ITPKB: variants seen among roughly 807,000 people sequenced by gnomAD.
ITPKB encodes IP3 3-kinase B.
Under a neutral mutation model 69.4 loss-of-function variants are expected in ITPKB, and 13 were observed. The ratio of observed to expected loss-of-function variants is 0.19; its 90% CI spans 0.12 to 0.30. The LOEUF is 0.30. Ranked by LOEUF, ITPKB falls within the 10% of genes least tolerant of loss-of-function variation. The pLI is 1.00. For missense variants in ITPKB, 1,240 were observed against 1,250.5 expected, an observed-to-expected ratio of 0.99 and a Z score of 0.13; for synonymous variants, 584 against 513.7, an observed-to-expected ratio of 1.14 and a Z score of -1.85.
intron 2 of ITPKB, among the ~76,000 whole-genome samples, chr1:226,728,837 A>G (rs1417880007): frequency 6.6e-6 from 1 of 152,186 alleles, no homozygotes; most frequent in East Asian, 1.9e-4. Flanking sequence ...CAAGTCTCCT[A>G]AACCCAAGCC....
chr1:226,738,115 T>C lies in ITPKB; in HGVS notation c.-205-452A>G, dbSNP rs2102656645. On this transcript the variant is annotated intron_variant, in intron 1 of 7. Transcript: ENST00000429204. The surrounding 1 kb of genome is among the most constrained non-coding windows in gnomAD (Gnocchi z 4.2). ...AACCCGGCAGCCCTCGCCCTGGGCT[T>C]CAGGGTCTCCCTGCTCCACCCTCTC... is the stretch of plus-strand genomic sequence containing the variant. 6.6e-6 allele frequency among the ~76,000 whole-genome samples: 1 copy of C among 152,154 alleles called. No individual in the cohort carries two copies. The highest frequency in any genetic ancestry group is 1.9e-4 in the East Asian group (1 of 5,140).
intron 2 of ITPKB, among the ~76,000 whole-genome samples, chr1:226,685,312 G>A (rs987055866): frequency 1.3e-5 from 2 of 152,240 alleles, no homozygotes; most frequent in Admixed American, 6.5e-5. Context: ...CTGGCTCCAC[G>A]CATGCCCGCT....
rs1301901828 is a variant in ITPKB, at chr1:226,736,211, C to T, written c.1248G>A (p.Arg416=). 22 of 1,534,568 alleles carry T rather than the reference C, an allele frequency of 1.4e-5. No homozygotes were observed. Among genetic ancestry groups the T allele is most frequent in the Non-Finnish European group, 1.9e-5 (22 of 1,143,974 alleles). Residue 416 remains arginine (R), a synonymous_variant, in exon 2 of 8, where the codon AGG becomes AGA. Coordinates refer to ENST00000429204, the MANE Select transcript of ITPKB (RefSeq NM_002221.4). Reference sequence around the variant, plus strand: ...CCTCAGGGCCTACGGAGGCCAGGGCCCTGGGCAGCCTGGACCAGCTCAGGG... The same window carrying T: ...CCTCAGGGCCTACGGAGGCCAGGGCTCTGGGCAGCCTGGACCAGCTCAGGG... ...SDSLSWSRLP[R]ALASVGPEEA...
intron 4 of ITPKB, among the ~76,000 whole-genome samples, chr1:226,643,949 T>C (rs550703813): frequency 7.9e-5 from 12 of 152,306 alleles, no homozygotes; most frequent in African/African-American, 2.6e-4. Flanking sequence ...GACGGGGGCA[T>C]TGAGGCAGGG....
intron 2 of ITPKB, among the ~76,000 whole-genome samples, chr1:226,694,488 A>G (rs892108979): frequency 6.6e-6 from 1 of 152,226 alleles, no homozygotes; most frequent in Non-Finnish European, 1.5e-5. Context: ...ACAACTGATC[A>G]ACTGATGAAC....
intron 2 of ITPKB, among the ~76,000 whole-genome samples, chr1:226,667,826 ATGTGTGTGTGTG>A (rs3841844): frequency 6.7e-6 from 1 of 148,386 alleles, no homozygotes; most frequent in Non-Finnish European, 1.5e-5. Context: ...GATGAGGAAA[ATGTGTGTGTGTG>A]TGTGTGTGTG....
chr1:226,713,239 A>G (rs935079832), intron 2 of ITPKB, among the ~76,000 whole-genome samples: 3 of 151,992 alleles, frequency 2.0e-5, no homozygotes, highest in African/African-American at 2.4e-5. Flanking sequence ...GACGGCTACT[A>G]ATTCTGCCTT....
chr1:226,707,835 G>C lies in ITPKB; in HGVS notation c.1932+27692C>G. 3 of 1,214,624 alleles carry C rather than the reference G, an allele frequency of 2.5e-6. No individual in the cohort carries two copies. In the South Asian group the frequency reaches 4.9e-5, roughly 20 times the overall value. The allele number at this position is 1,214,624 out of a possible 1,614,324, so 75.2% of individuals were successfully genotyped here. A position where few individuals can be genotyped will look rare whatever the true frequency, so the allele number is the denominator to read the frequency against. On this transcript the variant is annotated intron_variant, in intron 2 of 7. Coordinates refer to ENST00000429204, the MANE Select transcript of ITPKB (RefSeq NM_002221.4). ...GTCTTTCCAGAGAGTAGTGTAGGAA[G>C]ATGAAATATGCTATACATCATTCTT... is the stretch of plus-strand genomic sequence containing the variant.
chr1:226,705,021 C>G (rs1656767493), intron 2 of ITPKB, among the ~76,000 whole-genome samples: 1 of 152,168 alleles, frequency 6.6e-6, no homozygotes, highest in African/African-American at 2.4e-5. Context: ...GAGATAAGAA[C>G]AGCATCAGTA....
chr1:226,702,080 G>C (rs931256422), intron 2 of ITPKB, among the ~76,000 whole-genome samples: 1 of 152,148 alleles, frequency 6.6e-6, no homozygotes, highest in Non-Finnish European at 1.5e-5. Context: ...ATGTTGAGCA[G>C]GGAAATTATT....
At chr1:226,676,351 T>C (rs1669734673) in intron 2 of ITPKB, 1 of 152,204 alleles carries the variant, frequency 6.6e-6, no homozygotes. Flanking sequence ...TCATAAATTA[T>C]TTTAATCCAA....
intron 2 of ITPKB, among the ~76,000 whole-genome samples, chr1:226,702,901 C>T (rs1485182950): frequency 1.3e-5 from 2 of 152,240 alleles, no homozygotes; most frequent in Non-Finnish European, 2.9e-5. Flanking sequence ...GAATTTCATT[C>T]CTTTCTAATT....
intron 2 of ITPKB, among the ~76,000 whole-genome samples, chr1:226,664,861 G>T (rs1669467583): frequency 6.6e-6 from 1 of 152,200 alleles, no homozygotes; most frequent in South Asian, 2.1e-4. Flanking sequence ...CACAGTGTGT[G>T]GCCAGCACGA....
At chr1:226,711,946 C>T (rs1197523475) in intron 2 of ITPKB, among the ~76,000 whole-genome samples, 1 of 152,200 alleles carries the variant, frequency 6.6e-6, no homozygotes, top group Non-Finnish European at 1.5e-5. Flanking sequence ...TTTTATTCTC[C>T]TCCCTGTTCT....
In ITPKB at chr1:226,736,801, T is replaced by C. The variant is rs1571884295; in HGVS notation, c.658A>G (p.Lys220Glu). 6.2e-7 allele frequency: 1 copy of C among 1,613,042 alleles called. No individual in the cohort carries two copies. Among genetic ancestry groups the C allele is most frequent in the Non-Finnish European group, 8.5e-7 (1 of 1,180,018 alleles). ...PETSGTDSGR[K>E]GGPSLCSSQV... ...GAGGAGCATAGGCTGGGCCCTCCTT[T>C]CCTCCCGGAGTCGGTTCCTGAAGTC... The change falls in exon 2 of 8, where the codon AAA becomes GAA. Residue 220 changes from lysine to glutamate, a missense_variant. Lys to Glu is a moderately conservative substitution (Grantham distance 56). Transcript: ENST00000429204.
At chr1:226,711,423 G>C (rs1656951146) in intron 2 of ITPKB, among the ~76,000 whole-genome samples, 1 of 122,406 alleles carries the variant, frequency 8.2e-6, no homozygotes, top group Non-Finnish European at 1.8e-5. Flanking sequence ...GAGAGAGAGA[G>C]AGAGAGAGAG....
intron 2 of ITPKB, among the ~76,000 whole-genome samples, chr1:226,670,023 C>T (rs376649561): frequency 2.6e-5 from 4 of 151,198 alleles, no homozygotes; most frequent in Non-Finnish European, 5.9e-5. Flanking sequence ...AGAAGATGCA[C>T]GCCACCATGC....
intron 2 of ITPKB, among the ~76,000 whole-genome samples, chr1:226,656,428 T>C (rs78700535): frequency 0.026 from 3,962 of 152,238 alleles, 182 homozygotes; most frequent in African/African-American, 0.091. Context: ...TTCATTTCCT[T>C]ATCAGGGCCC....
chr1:226,656,453 C>T (rs4653460), intron 2 of ITPKB, among the ~76,000 whole-genome samples: 3,201 of 152,276 alleles, frequency 0.021, 109 homozygotes, highest in Admixed American at 0.088. Context: ...ATTCCTCTCC[C>T]GGAAGCCACA....
Sources: gnomAD v4.1 joint callset for allele counts (sites outside exome capture counted in the v4.1 genomes callset) on GRCh38, gnomAD v4.1.1 for gene constraint, Gnocchi (gnomAD v3.1) non-coding constraint, MANE v1.5 for transcripts, NCBI Gene and HGNC (gene_info 2026-07-23, HGNC 2026-07-21) for gene names.